EXOC4: variants seen among roughly 807,000 people sequenced by gnomAD.
EXOC4 encodes the protein SEC8-like 1.
In EXOC4, 71 loss-of-function variants were observed where a neutral mutation model predicts 107.2. That is an observed-to-expected ratio of 0.66 (90% CI 0.55 to 0.81). EXOC4 has a LOEUF of 0.81. EXOC4 is among the 30% of genes least tolerant of loss of function. The pLI is 0.00. For missense variants in EXOC4, 1,108 were observed against 1,189.6 expected (o/e 0.93, Z 1.01); for synonymous variants, 456 against 441.2 (o/e 1.03, Z -0.42).
At chr7:133,444,037 G>C (rs1798163719) in intron 7 of EXOC4, among the ~76,000 whole-genome samples, 2 of 152,180 alleles carry the variant, frequency 1.3e-5, no homozygotes, top group Admixed American at 1.3e-4. Flanking sequence ...TGTGTGTACT[G>C]ATATCCTGGC....
chr7:133,514,808 A>G (rs1300323731), intron 9 of EXOC4, among the ~76,000 whole-genome samples: 1 of 152,200 alleles, frequency 6.6e-6, no homozygotes, highest in Non-Finnish European at 1.5e-5. Flanking sequence ...CATTGTAATG[A>G]GAAAAATCTG....
At chr7:134,073,677 AT>A in the EXOC4 span, among the ~76,000 whole-genome samples, 4 of 150,388 alleles carry the variant, frequency 2.7e-5, no homozygotes, top group African/African-American at 2.5e-5. Context: ...TTTTTTTTTA[AT>A]TTTTAAAAAT....
intron 17 of EXOC4, among the ~76,000 whole-genome samples, chr7:134,011,678 C>T (rs1381272617): frequency 6.6e-6 from 1 of 151,876 alleles, no homozygotes; most frequent in Non-Finnish European, 1.5e-5. Flanking sequence ...CGTATGTTCT[C>T]TGTAGGTCCT....
intron 7 of EXOC4, among the ~76,000 whole-genome samples, chr7:133,398,301 A>G (rs773655690): frequency 6.6e-6 from 1 of 152,184 alleles, no homozygotes; most frequent in South Asian, 2.1e-4. Flanking sequence ...CACAGTTAGT[A>G]TATATGTTCA....
chr7:133,569,846 A>G (rs1240742109), intron 9 of EXOC4, among the ~76,000 whole-genome samples: 1 of 152,204 alleles, frequency 6.6e-6, no homozygotes, highest in Non-Finnish European at 1.5e-5. Context: ...GGCTTCTGCT[A>G]GAGATTCTGT....
Position 133,472,340 on chromosome 7 carries a change from C to T in EXOC4, c.1183-2988C>T, listed in dbSNP as rs561384373. ...GTCAAAATGGACAGGAGTGGGCAAACTAATAGGGAGTTGAGGAACAGTCAT... is the reference window on the plus strand; with the variant it reads ...GTCAAAATGGACAGGAGTGGGCAAATTAATAGGGAGTTGAGGAACAGTCAT... On this transcript the variant is annotated intron_variant, in intron 7 of 17. Transcript: ENST00000253861. 8.5e-5 allele frequency among the ~76,000 whole-genome samples: 13 copies of T among 152,166 alleles called. 1 individual carries two copies. In the South Asian group the frequency reaches 2.7e-3, roughly 32 times the overall value.
intron 10 of EXOC4, among the ~76,000 whole-genome samples, chr7:133,632,159 T>TTA: frequency 6.6e-6 from 1 of 152,316 alleles, no homozygotes; most frequent in African/African-American, 2.4e-5. Context: ...ACTTAATGTA[T>TTA]TACAGTTCTT....
At chr7:133,764,096 A>G (rs1796088579) in intron 10 of EXOC4, among the ~76,000 whole-genome samples, 1 of 152,104 alleles carries the variant, frequency 6.6e-6, no homozygotes, top group Non-Finnish European at 1.5e-5. Flanking sequence ...AGTTGTGAAG[A>G]TGAGGTGAGG....
Position 133,652,201 on chromosome 7 carries a change from A to G in EXOC4, c.1514+22060A>G, listed in dbSNP as rs1223624404. Among the ~76,000 whole-genome samples the G allele has an allele frequency of 2.0e-5, 3 of 152,212 alleles. No individual in the cohort carries two copies. The East Asian group carries it at 5.8e-4, about 29-fold the overall frequency. ...TAATACTTATAATAGAAGAATGCAC[A>G]TTTAAAAAGATTTACATGTGAAAAA... On this transcript the variant is annotated intron_variant, in intron 10 of 17. Transcript: ENST00000253861.
the EXOC4 span, among the ~76,000 whole-genome samples, chr7:134,084,989 G>T: frequency 1.3e-5 from 2 of 152,134 alleles, no homozygotes; most frequent in African/African-American, 2.4e-5. Flanking sequence ...GTTACAGCTG[G>T]GCGTTTGCCT....
At chr7:133,415,158 C>T (rs1389683706) in intron 7 of EXOC4, among the ~76,000 whole-genome samples, 1 of 152,134 alleles carries the variant, frequency 6.6e-6, no homozygotes, top group Non-Finnish European at 1.5e-5. Flanking sequence ...AGATATACCA[C>T]ATTCTGTGTA....
intron 13 of EXOC4, among the ~76,000 whole-genome samples, chr7:133,921,603 T>TA (rs977538114): frequency 1.3e-5 from 2 of 152,192 alleles, no homozygotes; most frequent in African/African-American, 2.4e-5. Flanking sequence ...CTGGTTTCTT[T>TA]AAAGATTTTT....
At chr7:133,746,277 T>C (rs2151133517) in intron 10 of EXOC4, among the ~76,000 whole-genome samples, 1 of 152,326 alleles carries the variant, frequency 6.6e-6, no homozygotes, top group South Asian at 2.1e-4. Context: ...CTAAAGCTCT[T>C]CCTTTTTGAT....
chr7:133,495,015 T>C (rs1328414931), intron 9 of EXOC4, among the ~76,000 whole-genome samples: 1 of 152,166 alleles, frequency 6.6e-6, no homozygotes, highest in Non-Finnish European at 1.5e-5. Flanking sequence ...CTCACGCCTG[T>C]AATCCCAGCA....
At chr7:133,701,267 A>G (rs1056098076) in intron 10 of EXOC4, among the ~76,000 whole-genome samples, 3 of 152,242 alleles carry the variant, frequency 2.0e-5, no homozygotes, top group Non-Finnish European at 4.4e-5. Flanking sequence ...AAGAGACTTC[A>G]TAATTCAGCA....
intron 7 of EXOC4, among the ~76,000 whole-genome samples, chr7:133,382,717 T>C (rs896724023): frequency 6.6e-6 from 1 of 152,212 alleles, no homozygotes; most frequent in African/African-American, 2.4e-5. Flanking sequence ...ATGGAAAACA[T>C]TTCCTGCTGA....
At chr7:133,441,583 G>C (rs1470099812) in intron 7 of EXOC4, among the ~76,000 whole-genome samples, 1 of 152,062 alleles carries the variant, frequency 6.6e-6, no homozygotes, top group East Asian at 1.9e-4. Flanking sequence ...CTGTAGAGAT[G>C]TGGTTTCACC....
At chr7:134,071,822 C>A in the EXOC4 span, among the ~76,000 whole-genome samples, 1 of 152,118 alleles carries the variant, frequency 6.6e-6, no homozygotes, top group Non-Finnish European at 1.5e-5. Context: ...ACAGAACCCC[C>A]CTCTGTGCTA....
intron 9 of EXOC4, among the ~76,000 whole-genome samples, chr7:133,558,211 CTT>C (rs1429730847): frequency 1.4e-5 from 2 of 139,282 alleles, no homozygotes; most frequent in East Asian, 4.0e-4. Context: ...CTTTTCTTTT[CTT>C]TTCTTTTCTT....
Sources: gnomAD v4.1 joint callset for allele counts (sites outside exome capture counted in the v4.1 genomes callset) on GRCh38, gnomAD v4.1.1 for gene constraint, MANE v1.5 for transcripts, NCBI Gene and HGNC (gene_info 2026-07-23, HGNC 2026-07-21) for gene names.